The following NAALADL2 variants were observed in gnomAD, a reference collection of about 807,000 sequenced individuals.
NAALADL2 encodes the protein inactive N-acetylated-alpha-linked acidic dipeptidase-like protein 2.
Under a neutral mutation model 87.2 loss-of-function variants are expected in NAALADL2, and 76 were observed. The ratio of observed to expected loss-of-function variants is 0.87; its 90% confidence interval spans 0.72 to 1.05. The LOEUF (loss-of-function observed/expected upper bound fraction) is 1.05, where lower values mean the gene tolerates loss of function less well. NAALADL2 is among the 50% of genes least tolerant of loss of function. NAALADL2 has a pLI of 0.00. For missense variants in NAALADL2, 1,089 were observed against 945.8 expected, an observed-to-expected ratio of 1.15 and a Z score of -1.99; for synonymous variants, 354 against 331.0, an observed-to-expected ratio of 1.07 and a Z score of -0.75.
chr3:175,497,757 A>T (rs1392350831), intron 9 of NAALADL2, among the ~76,000 whole-genome samples: 1 of 152,150 alleles, frequency 6.6e-6, no homozygotes, highest in Non-Finnish European at 1.5e-5. Context: ...TCTTATTTTT[A>T]AAAATGCATA....
intron 2 of NAALADL2, among the ~76,000 whole-genome samples, chr3:174,645,387 G>T (rs1723676911): frequency 6.6e-6 from 1 of 152,168 alleles, no homozygotes; most frequent in Admixed American, 6.5e-5. Flanking sequence ...TTTAACAAAA[G>T]CTCGGAGGAA....
chr3:175,148,342 T>A (rs185709022), intron 2 of NAALADL2, among the ~76,000 whole-genome samples: 10 of 151,986 alleles, frequency 6.6e-5, no homozygotes, highest in Non-Finnish European at 1.0e-4. Context: ...GGATATTAGA[T>A]CTTTGTGGGA....
intron 13 of NAALADL2, among the ~76,000 whole-genome samples, chr3:175,796,386 C>T (rs1753498322): frequency 6.6e-6 from 1 of 152,194 alleles, no homozygotes; most frequent in Non-Finnish European, 1.5e-5. Context: ...CAATCTACCA[C>T]ACGTGTCTTT....
At chr3:175,285,873 A>G (rs1754910041) in intron 4 of NAALADL2, among the ~76,000 whole-genome samples, 1 of 152,164 alleles carries the variant, frequency 6.6e-6, no homozygotes, top group South Asian at 2.1e-4. Context: ...TCTACCCTCA[A>G]AGATAGTAAA....
chr3:174,453,284 A>G (rs113867716), intron 1 of NAALADL2, among the ~76,000 whole-genome samples: 2 of 152,204 alleles, frequency 1.3e-5, no homozygotes, highest in Admixed American at 6.5e-5. Flanking sequence ...ATGGGATTAC[A>G]TAAAGAGACC....
chr3:174,674,324 C>T (rs987637851), intron 2 of NAALADL2, among the ~76,000 whole-genome samples: 9 of 151,980 alleles, frequency 5.9e-5, no homozygotes, highest in East Asian at 1.9e-4. Flanking sequence ...CTGTAGATTA[C>T]ACTTCAACTT....
intron 1 of NAALADL2, among the ~76,000 whole-genome samples, chr3:175,080,852 A>G (rs1717659825): frequency 1.3e-5 from 2 of 152,202 alleles, no homozygotes; most frequent in Admixed American, 1.3e-4. Context: ...AAACCACTTA[A>G]CTATGTTGTG....
intron 9 of NAALADL2, among the ~76,000 whole-genome samples, chr3:175,499,689 G>A (rs60968914): frequency 0.032 from 4,869 of 152,024 alleles, 280 homozygotes; most frequent in African/African-American, 0.11. Context: ...GTTTCCAGTT[G>A]GACAGATCCC....
chr3:175,469,472 C>G (rs1724563234), intron 8 of NAALADL2, among the ~76,000 whole-genome samples: 1 of 152,016 alleles, frequency 6.6e-6, no homozygotes. Context: ...TGGAAACCCA[C>G]AGTGGTAGTT....
chr3:174,556,609 T>C (rs1408466336), intron 2 of NAALADL2, among the ~76,000 whole-genome samples: 1 of 152,220 alleles, frequency 6.6e-6, no homozygotes, highest in Non-Finnish European at 1.5e-5. Flanking sequence ...ACACAACTTA[T>C]AGAATTGTGT....
chr3:175,652,394 C>A (rs948186365), intron 11 of NAALADL2, among the ~76,000 whole-genome samples: 1 of 152,068 alleles, frequency 6.6e-6, no homozygotes, highest in East Asian at 1.9e-4. Flanking sequence ...CCACCAAATA[C>A]AAATTCCATA....
chr3:175,331,764 A>C (rs190501651), intron 5 of NAALADL2, among the ~76,000 whole-genome samples: 31 of 152,328 alleles, frequency 2.0e-4, no homozygotes, highest in African/African-American at 6.7e-4. Flanking sequence ...GCAGTCAGGC[A>C]AAAGAAAGAA....
chr3:174,674,115 T>C (rs1456162265), intron 2 of NAALADL2, among the ~76,000 whole-genome samples: 5 of 151,844 alleles, frequency 3.3e-5, no homozygotes, highest in Non-Finnish European at 5.9e-5. Context: ...CTTTAACTCA[T>C]AGTGGAAGGA....
Position 175,756,351 on chromosome 3 carries a change from A to T in NAALADL2, c.2189+933A>T, listed in dbSNP as rs111406077. 3.3e-3 allele frequency among the ~76,000 whole-genome samples: 495 copies of T among 152,286 alleles called. 3 individuals carry two copies. The highest frequency in any genetic ancestry group is 0.011 in the African/African-American group (466 of 41,568). Reference sequence around the variant, plus strand: ...CTACCCAAAGGAAAACAATTTTTTTATATCAAAAAGATACTTGCATTCATA... The same window carrying T: ...CTACCCAAAGGAAAACAATTTTTTTTTATCAAAAAGATACTTGCATTCATA... On this transcript the variant is annotated intron_variant, in intron 13 of 13. Coordinates refer to ENST00000454872, the MANE Select transcript of NAALADL2 (RefSeq NM_207015.3).
intron 3 of NAALADL2, among the ~76,000 whole-genome samples, chr3:174,848,067 A>C (rs1368678210): frequency 6.6e-6 from 1 of 151,486 alleles, no homozygotes; most frequent in African/African-American, 2.4e-5. Context: ...CCATGGTTAA[A>C]ATCTATGGTT....
chr3:174,469,672 C>T (rs1031249019), intron 1 of NAALADL2, among the ~76,000 whole-genome samples: 6 of 151,956 alleles, frequency 3.9e-5, no homozygotes, highest in Non-Finnish European at 5.9e-5. Flanking sequence ...CGTCGTGATC[C>T]GCCCGCCTTG....
intron 11 of NAALADL2, among the ~76,000 whole-genome samples, chr3:175,639,103 G>A (rs1728927922): frequency 6.6e-6 from 1 of 152,084 alleles, no homozygotes; most frequent in Admixed American, 6.6e-5. Context: ...CTGATTGGCA[G>A]GTGCTTTGTC....
At chr3:175,500,447 G>A (rs1371771061) in intron 9 of NAALADL2, among the ~76,000 whole-genome samples, 1 of 151,760 alleles carries the variant, frequency 6.6e-6, no homozygotes, top group Non-Finnish European at 1.5e-5. Context: ...GGAGCAGAGA[G>A]GTTTGTTTGC....
chr3:175,786,655 G>A (rs149475981), intron 13 of NAALADL2, among the ~76,000 whole-genome samples: 87 of 152,016 alleles, frequency 5.7e-4, no homozygotes, highest in African/African-American at 1.3e-3. Context: ...ATGTCCTCTC[G>A]TAGCTCAGAG....
Sources: gnomAD v4.1 joint callset for allele counts (sites outside exome capture counted in the v4.1 genomes callset) on GRCh38, gnomAD v4.1.1 for gene constraint, MANE v1.5 for transcripts, NCBI Gene and HGNC (gene_info 2026-07-23, HGNC 2026-07-21) for gene names.